SH3KBP1: variants seen among roughly 807,000 people sequenced by gnomAD.
The protein encoded by SH3KBP1 is SH3 domain-containing kinase-binding protein 1.
SH3KBP1 carries 8 observed loss-of-function variants against 50.1 expected under a neutral mutation model. The ratio of observed to expected loss-of-function variants is 0.16; its 90% CI spans 0.09 to 0.29. The LOEUF is 0.29. Among genes scored for constraint, SH3KBP1 ranks in the 10% least tolerant of loss-of-function variants. The probability of loss-of-function intolerance (pLI) is 1.00; values close to 1 mark genes in which losing one functional copy is unlikely to be tolerated. For missense variants in SH3KBP1, 377 were observed against 535.2 expected (o/e 0.70, Z 2.92); for synonymous variants, 227 against 218.6 (o/e 1.04, Z -0.34).
At chrX:19,596,848 C>A (rs2066919627) in intron 9 of SH3KBP1, among the ~76,000 whole-genome samples, 1 of 112,141 alleles carries the variant, frequency 8.9e-6, no homozygotes, top group Non-Finnish European at 1.9e-5. Context: ...TCAGGCTCCA[C>A]TTCAAATTCT....
chrX:19,538,611 G>A (rs181209490), intron 16 of SH3KBP1, among the ~76,000 whole-genome samples: 1 of 108,258 alleles, frequency 9.2e-6, no homozygotes, highest in East Asian at 2.9e-4. Flanking sequence ...TTTTGAGATG[G>A]AGTCCCACTC....
At chrX:19,784,196 T>C (rs1316049339) in intron 2 of SH3KBP1, among the ~76,000 whole-genome samples, 1 of 111,886 alleles carries the variant, frequency 8.9e-6, no homozygotes, top group Non-Finnish European at 1.9e-5. Context: ...AATTCCAGAA[T>C]TTTCATTTTC....
intron 8 of SH3KBP1, among the ~76,000 whole-genome samples, chrX:19,621,222 C>T (rs1446564912): frequency 9.8e-6 from 1 of 101,815 alleles, no homozygotes; most frequent in Non-Finnish European, 2.0e-5. Flanking sequence ...CTACAGGTGC[C>T]CGCCACCACA....
intron 2 of SH3KBP1, among the ~76,000 whole-genome samples, chrX:19,826,256 T>C (rs1858645097): frequency 8.9e-6 from 1 of 112,049 alleles, no homozygotes; most frequent in Non-Finnish European, 1.9e-5. Flanking sequence ...GAAGTTACAT[T>C]TGTGACAATA....
intron 6 of SH3KBP1, among the ~76,000 whole-genome samples, chrX:19,653,763 TACACACACACACACACACACACACACAC>T (rs60424271): frequency 5.0e-5 from 4 of 80,277 alleles, no homozygotes; most frequent in African/African-American, 1.3e-4. Flanking sequence ...TATGTCTAAA[TACACACACACACACACACACACACACAC>T]ACACACACAC....
chrX:19,743,281 C>T (rs1362077951), intron 3 of SH3KBP1, among the ~76,000 whole-genome samples: 1 of 110,042 alleles, frequency 9.1e-6, no homozygotes. Context: ...GTAGCTCGTA[C>T]CTTGTAGTCC....
At chrX:19,705,239 A>G (rs2063628985) in intron 4 of SH3KBP1, among the ~76,000 whole-genome samples, 1 of 112,249 alleles carries the variant, frequency 8.9e-6, no homozygotes, top group Non-Finnish European at 1.9e-5. Flanking sequence ...CATTGTTATA[A>G]TAGCTTCCTA....
chrX:19,884,040 T>C (rs2069519711), intron 1 of SH3KBP1, among the ~76,000 whole-genome samples: 1 of 111,908 alleles, frequency 8.9e-6, no homozygotes, highest in African/African-American at 3.3e-5. Context: ...GTTTTCAGTC[T>C]CTGCCACAAG....
At chrX:19,690,887 A>G (rs1380003337) in intron 5 of SH3KBP1, among the ~76,000 whole-genome samples, 1 of 112,116 alleles carries the variant, frequency 8.9e-6, no homozygotes, top group Non-Finnish European at 1.9e-5. Flanking sequence ...CAGAATGTGT[A>G]TGGAAGGCTT....
chrX:19,671,529 CA>C lies in SH3KBP1; in HGVS notation c.726+12293del, dbSNP rs1456560307. The stretch of plus-strand genomic sequence containing the variant: ...ACAGGTTGAAATGAAATATTTAAAT[CA>C]CAATTTTGTTCTTTCCCCCAAAAGA... On this transcript the variant is annotated intron_variant, in intron 6 of 17. Coordinates refer to ENST00000397821, the MANE Select transcript of SH3KBP1 (RefSeq NM_031892.3). Among the ~76,000 whole-genome samples the C allele has an allele frequency of 1.6e-4, 18 of 111,651 alleles. 1 individual carries two copies. Among genetic ancestry groups the C allele is most frequent in the Admixed American group, 1.4e-3 (15 of 10,516 alleles).
chrX:19,683,419 C>T, intron 6 of SH3KBP1: 1 of 353,469 alleles, frequency 2.8e-6, no homozygotes, highest in Non-Finnish European at 5.5e-6. Context: ...TGCAGAACCA[C>T]AGTCAGCACA....
At chrX:19,588,185 A>G (rs1338258170) in intron 12 of SH3KBP1, 22 of 402,212 alleles carry the variant, frequency 5.5e-5, no homozygotes, top group Admixed American at 5.2e-5. Flanking sequence ...TACAGTGAAG[A>G]GCAGAGGGAG....
intron 3 of SH3KBP1, among the ~76,000 whole-genome samples, chrX:19,708,397 T>C (rs1265210924): frequency 8.9e-6 from 1 of 111,752 alleles, no homozygotes; most frequent in Non-Finnish European, 1.9e-5. Flanking sequence ...AGCCTCTGGG[T>C]CTTAGGAACA....
At chrX:19,871,069 ACATTT>A (rs780245227) in intron 1 of SH3KBP1, among the ~76,000 whole-genome samples, 1 of 112,206 alleles carries the variant, frequency 8.9e-6, no homozygotes, top group Non-Finnish European at 1.9e-5. Flanking sequence ...GACTGACTAG[ACATTT>A]TTCTATCTCA....
At position 19,536,352 on chromosome X, in the gene SH3KBP1, G is replaced by T; in HGVS notation, c.*65C>A. On this transcript the variant is annotated 3_prime_UTR_variant, in exon 18 of 18. Transcript: ENST00000397821. ...AATCTTTTGGCACAAGATTATTTTGGCTGGGGCAGAAAATTTGAGTCTCGG... is the reference window on the plus strand; with the variant it reads ...AATCTTTTGGCACAAGATTATTTTGTCTGGGGCAGAAAATTTGAGTCTCGG... The T allele has an allele frequency of 1.4e-6, 1 of 739,164 alleles. No individual in the cohort carries two copies. The highest frequency in any genetic ancestry group is 2.0e-6 in the Non-Finnish European group (1 of 492,687). 60.9% of individuals were successfully genotyped at this position (739,164 alleles called of 1,213,427 possible).
chrX:19,836,070 T>C, intron 2 of SH3KBP1, 55 bp downstream of exon 2: 2 of 1,138,552 alleles, frequency 1.8e-6, no homozygotes, highest in Non-Finnish European at 2.4e-6. Flanking sequence ...CCCCATAGAC[T>C]TTGGTCAGCA....
intron 6 of SH3KBP1, among the ~76,000 whole-genome samples, chrX:19,667,474 A>T (rs1317998025): frequency 9.0e-6 from 1 of 110,570 alleles, no homozygotes; most frequent in African/African-American, 3.3e-5. Flanking sequence ...AAAGGAATAA[A>T]AAAAGTCAGC....
chrX:19,590,266 T>C (rs1302692504), intron 11 of SH3KBP1, among the ~76,000 whole-genome samples: 3 of 111,347 alleles, frequency 2.7e-5, no homozygotes, highest in Admixed American at 9.5e-5. Context: ...AGGGGACATT[T>C]CTCCTATTGC....
rs974652756 is a variant in SH3KBP1, at chrX:19,807,359, G to A, written c.162+28766C>T. Among the ~76,000 whole-genome samples the A allele has an allele frequency of 4.5e-5, 5 of 111,815 alleles. No homozygotes were observed. In the Admixed American group the frequency reaches 4.8e-4, roughly 11 times the overall value. ...CTGTAATCAGCACCATGCCCATAGCGTTTTTACCTTCCAAGGCAACAGTGC... is the reference window on the plus strand; with the variant it reads ...CTGTAATCAGCACCATGCCCATAGCATTTTTACCTTCCAAGGCAACAGTGC... On this transcript the variant is annotated intron_variant, in intron 2 of 17. Coordinates refer to ENST00000397821, the MANE Select transcript of SH3KBP1 (RefSeq NM_031892.3).
Sources: allele counts gnomAD v4.1 joint callset (sites outside exome capture counted in the v4.1 genomes callset), GRCh38; gene constraint gnomAD v4.1.1; transcripts MANE v1.5; gene names NCBI Gene and HGNC (gene_info 2026-07-23, HGNC 2026-07-21).